The following ZNF223 variants were observed in gnomAD, a reference collection of about 807,000 sequenced individuals.
The protein encoded by ZNF223 is zinc finger protein 223.
Under a neutral mutation model 12.3 loss-of-function variants are expected in ZNF223, and 9 were observed. The ratio of observed to expected loss-of-function variants is 0.73; its 90% confidence interval spans 0.44 to 1.28. The LOEUF is 1.28. Ranked by LOEUF, ZNF223 falls within the 50% of genes most tolerant of loss-of-function variation. ZNF223 has a pLI of 0.00. For synonymous variants in ZNF223, 171 were observed against 195.2 expected (o/e 0.88, Z 1.03); for missense variants, 506 against 579.0 (o/e 0.87, Z 1.29).
rs1976926783 is a variant in ZNF223 at position 44,066,987 on chromosome 19, C to G, written c.1159C>G (p.Leu387Val). 1 of 1,613,122 alleles carries G rather than the reference C, an allele frequency of 6.2e-7. No homozygotes were observed. The highest frequency in any genetic ancestry group is 8.5e-7 in the Non-Finnish European group (1 of 1,179,254). ...CGKSYITKSG[L>V]DLHHRAHTGE... ...GAAGAGCTACATTACTAAGTCAGGT[C>G]TTGACTTGCACCATAGAGCCCACAC... The change falls in exon 5 of 5, where the codon CTT (leucine) becomes GTT (valine). Residue 387 changes from leucine (L) to valine (V), a missense_variant. Physicochemically the swap from Leu to Val is conservative, Grantham distance 32 (BLOSUM62 1). Coordinates refer to ENST00000434772, the MANE Select transcript of ZNF223 (RefSeq NM_013361.6).
Position 44,066,389 on chromosome 19 carries a change from C to A in ZNF223, c.561C>A (p.Tyr187Ter), listed in dbSNP as rs1210240449. ...SCDECGKSFC[Y>*]ISALHIHQRV... The stretch of plus-strand genomic sequence containing the variant: ...ATGAGTGTGGAAAAAGCTTCTGTTA[C>A]ATCTCAGCGCTTCATATTCATCAGA... Residue 187 changes from tyrosine to a stop codon, truncating the protein, a stop_gained, in exon 5 of 5, where the codon TAC (tyrosine) becomes TAA (stop). Transcript: ENST00000434772. LOFTEE classifies it low-confidence loss of function (END_TRUNC). 1.2e-6 allele frequency: 2 copies of A among 1,614,218 alleles called. No homozygotes were observed. The highest frequency in any genetic ancestry group is 2.2e-5 in the East Asian group (1 of 44,886).
At chr19:44,056,739 G>A (rs1224205487) in intron 2 of ZNF223, among the ~76,000 whole-genome samples, 1 of 148,740 alleles carries the variant, frequency 6.7e-6, no homozygotes, top group Non-Finnish European at 1.5e-5. Flanking sequence ...GACTACAGGC[G>A]CCCGCCACCA....
At position 44,067,558 on chromosome 19, in the gene ZNF223, C is replaced by T; in HGVS notation, c.*281C>T. ...CCCACCTATCCCTTACCCTTCCCTG[C>T]CTCTAGAGCCACTGTTCTCACTACT... On this transcript the variant is annotated 3_prime_UTR_variant, in exon 5 of 5. Coordinates refer to ENST00000434772, the MANE Select transcript of ZNF223 (RefSeq NM_013361.6). The T allele has an allele frequency of 4.5e-6, 2 of 443,756 alleles. No individual in the cohort carries two copies. The highest frequency in any genetic ancestry group is 3.7e-5 in the South Asian group (2 of 53,432). The allele number at this position is 443,756 out of a possible 1,614,324, so 27.5% of individuals were successfully genotyped here.
chr19:44,065,932 G>C, intron 4 of ZNF223, 132 bp from the exon 5 acceptor site: 1 of 1,432,080 alleles, frequency 7.0e-7, no homozygotes, highest in Non-Finnish European at 9.2e-7. Flanking sequence ...ATGCAAACCA[G>C]AAACCAGGGT....
chr19:44,058,773 C>T (rs1357251963), intron 2 of ZNF223, among the ~76,000 whole-genome samples: 1 of 152,200 alleles, frequency 6.6e-6, no homozygotes, highest in African/African-American at 2.4e-5. Flanking sequence ...CGGCCATTGC[C>T]TATGGCAGGT....
At position 44,067,533 on chromosome 19, in the gene ZNF223, C is replaced by G. The variant is rs1976938710; in HGVS notation, c.*256C>G. 2 of 507,394 alleles carry G rather than the reference C, an allele frequency of 3.9e-6. No homozygotes were observed. The highest frequency in any genetic ancestry group is 1.7e-5 in the South Asian group (1 of 58,574). 31.4% of individuals were successfully genotyped at this position (507,394 alleles called of 1,614,324 possible). On this transcript the variant is annotated 3_prime_UTR_variant, in exon 5 of 5. Coordinates refer to ENST00000434772, the MANE Select transcript of ZNF223 (RefSeq NM_013361.6). The stretch of plus-strand genomic sequence containing the variant: ...CATCCATTAGCCAACCTTTGGCCAT[C>G]CCACCTATCCCTTACCCTTCCCTGC...
At position 44,066,111 on chromosome 19, in the gene ZNF223, C is replaced by T; in HGVS notation, c.283C>T (p.His95Tyr). 2 of 1,612,898 alleles carry T rather than the reference C, an allele frequency of 1.2e-6. No homozygotes were observed. The highest frequency in any genetic ancestry group is 1.7e-6 in the Non-Finnish European group (2 of 1,179,450). Residue 95 changes from histidine to tyrosine, a missense_variant, in exon 5 of 5, where the codon CAT becomes TAT. Transcript: ENST00000434772. ...GAAGACTTTTCCAGAAGCAGGACCACATGAAGGGTGGTCCTGCCAGCAGAT... is the reference window on the plus strand; with the variant it reads ...GAAGACTTTTCCAGAAGCAGGACCATATGAAGGGTGGTCCTGCCAGCAGAT... ...EMKTFPEAGP[H>Y]EGWSCQQIWE... is the part of the protein sequence containing the mutation.
intron 4 of ZNF223, among the ~76,000 whole-genome samples, chr19:44,065,739 A>C (rs756561857): frequency 6.6e-6 from 1 of 151,838 alleles, no homozygotes; most frequent in Non-Finnish European, 1.5e-5. Flanking sequence ...CACCACACCT[A>C]GCTGATTTTT....
Position 44,066,551 on chromosome 19 carries a change from C to G in ZNF223, c.723C>G (p.Phe241Leu). 6.2e-7 allele frequency: 1 copy of G among 1,614,150 alleles called. No homozygotes were observed. The highest frequency in any genetic ancestry group is 8.5e-7 in the Non-Finnish European group (1 of 1,180,010). The change falls in exon 5 of 5, where the codon TTC becomes TTG. Residue 241 changes from phenylalanine to leucine, a missense_variant. Physicochemically the swap from Phe to Leu is conservative, Grantham distance 22 (BLOSUM62 0). Coordinates refer to ENST00000434772, the MANE Select transcript of ZNF223 (RefSeq NM_013361.6). ...PFKCEQCGRGFRCRSALTVHC... is the reference protein window; with the variant it reads ...PFKCEQCGRGLRCRSALTVHC... ...AATGTGAACAATGTGGGAGAGGCTT[C>G]AGATGTAGATCAGCACTTACAGTTC...
rs371084484 is a variant in ZNF223 at position 44,055,119 on chromosome 19, G to C, written c.-58G>C. ...CATGGCACTTTCCAGGCACAATTCT[G>C]CTTTCCCTGGAACTGTGTCATTCAG... On this transcript the variant is annotated 5_prime_UTR_variant, in exon 2 of 5. Transcript: ENST00000434772. 605 of 1,579,512 alleles carry C rather than the reference G, an allele frequency of 3.8e-4. 5 individuals carry two copies. The African/African-American group carries it at 7.5e-3, about 20-fold the overall frequency.
At chr19:44,055,300 G>T (rs1412247338) in intron 2 of ZNF223, 109 bp downstream of exon 2, 4 of 1,257,380 alleles carry the variant, frequency 3.2e-6, no homozygotes, top group Non-Finnish European at 3.5e-6. Context: ...GGACTTTGAG[G>T]ATCTCTTGTC....
chr19:44,066,241 T>A lies in ZNF223; in HGVS notation c.413T>A (p.Leu138Gln). The A allele has an allele frequency of 6.2e-7, 1 of 1,614,218 alleles. No homozygotes were observed. The highest frequency in any genetic ancestry group is 8.5e-7 in the Non-Finnish European group (1 of 1,180,034). Residue 138 changes from leucine (L) to glutamine (Q), a missense_variant, in exon 5 of 5, where the codon CTA (leucine) becomes CAA (glutamine). Transcript: ENST00000434772. ...GDAHSQVEEG[L>Q]SIMHTGQKPS... ...GCCCACTCCCAGGTTGAGGAAGGAC[T>A]ATCTATAATGCACACAGGACAGAAA... is the stretch of plus-strand genomic sequence containing the variant.
At chr19:44,057,945 G>A (rs1383426461) in intron 2 of ZNF223, among the ~76,000 whole-genome samples, 3 of 152,184 alleles carry the variant, frequency 2.0e-5, no homozygotes, top group Non-Finnish European at 4.4e-5. Flanking sequence ...GGTCCAGTAT[G>A]AGCTGGCCAT....
chr19:44,053,746 G>C (rs1442758313), intron 1 of ZNF223, among the ~76,000 whole-genome samples: 1 of 152,194 alleles, frequency 6.6e-6, no homozygotes, highest in Non-Finnish European at 1.5e-5. Context: ...CTGTCTCAGT[G>C]GGTGGAAACC....
chr19:44,060,299 G>T, intron 2 of ZNF223, 156 bp from the exon 3 acceptor site: 1 of 1,259,134 alleles, frequency 7.9e-7, no homozygotes, highest in East Asian at 2.5e-5. Context: ...GTCATTGTCA[G>T]GACACAGACT....
At chr19:44,056,733 A>G (rs983878676) in intron 2 of ZNF223, among the ~76,000 whole-genome samples, 1 of 148,626 alleles carries the variant, frequency 6.7e-6, no homozygotes, top group Non-Finnish European at 1.5e-5. Context: ...AGCTGGGACT[A>G]CAGGCGCCCG....
At chr19:44,052,696 A>G (rs1001901307) in intron 1 of ZNF223, among the ~76,000 whole-genome samples, 2 of 152,174 alleles carry the variant, frequency 1.3e-5, no homozygotes, top group Non-Finnish European at 2.9e-5. Context: ...CACCAGGAAC[A>G]TACCTGTAAC....
chr19:44,052,795 G>A (rs1286875706), intron 1 of ZNF223, among the ~76,000 whole-genome samples: 1 of 151,958 alleles, frequency 6.6e-6, no homozygotes, highest in Non-Finnish European at 1.5e-5. Context: ...CATTTAGGAA[G>A]GGCTGGTTAT....
At chr19:44,062,848 T>A (rs1175369997) in intron 4 of ZNF223, among the ~76,000 whole-genome samples, 2 of 152,246 alleles carry the variant, frequency 1.3e-5, no homozygotes, top group Non-Finnish European at 2.9e-5. Context: ...CTCCAGTTCC[T>A]CCTTCCTTCC....
Sources: allele counts gnomAD v4.1 joint callset (sites outside exome capture counted in the v4.1 genomes callset), GRCh38; gene constraint gnomAD v4.1.1; transcripts MANE v1.5; gene names NCBI Gene and HGNC (gene_info 2026-07-23, HGNC 2026-07-21).